The following RABGAP1L variants were observed in gnomAD, a reference collection of about 807,000 sequenced individuals.
RABGAP1L encodes rab GTPase-activating protein 1-like.
In RABGAP1L, 63 loss-of-function variants were observed where a neutral mutation model predicts 137.7. The ratio of observed to expected loss-of-function variants is 0.46; its 90% CI spans 0.37 to 0.56. The LOEUF is 0.56. RABGAP1L is among the 20% of genes least tolerant of loss of function. The pLI, the probability that RABGAP1L is intolerant of heterozygous loss-of-function variation, is 0.00. For synonymous variants in RABGAP1L, 431 were observed against 433.7 expected, an observed-to-expected ratio of 0.99 and a Z score of 0.08; for missense variants, 1,095 against 1,244.0, an observed-to-expected ratio of 0.88 and a Z score of 1.80.
rs113006522 is a variant in RABGAP1L at position 174,464,588 on chromosome 1, C to T, written c.1710+70443C>T. 1.2e-3 allele frequency among the ~76,000 whole-genome samples: 185 copies of T among 152,122 alleles called. 1 individual carries two copies. Among genetic ancestry groups the T allele is most frequent in the African/African-American group, 4.3e-3 (180 of 41,500 alleles). On this transcript the variant is annotated intron_variant, in intron 13 of 25. Transcript: ENST00000681986. ...TGTTGTTTTGTTAATGTCATTAGTA[C>T]CACTGCCTTCTTATATTTCCACTTT... is the stretch of plus-strand genomic sequence containing the variant.
chr1:174,506,049 T>G (rs1427189693), intron 13 of RABGAP1L, among the ~76,000 whole-genome samples: 1 of 152,158 alleles, frequency 6.6e-6, no homozygotes, highest in Admixed American at 6.5e-5. Context: ...GCACAGAAAG[T>G]CAAATACCAC....
chr1:174,449,048 A>G (rs1014236076), intron 13 of RABGAP1L: 1 of 1,613,856 alleles, frequency 6.2e-7, no homozygotes, highest in Non-Finnish European at 8.5e-7. Context: ...TAGTTTTTGT[A>G]ACTGTGTAAT....
At chr1:174,955,479 G>A (rs907174545) in intron 19 of RABGAP1L, among the ~76,000 whole-genome samples, 6 of 152,226 alleles carry the variant, frequency 3.9e-5, no homozygotes, top group Non-Finnish European at 8.8e-5. Flanking sequence ...CCAGATGCCA[G>A]AGAATTAGTA....
chr1:174,888,772 C>T (rs1172436902), intron 19 of RABGAP1L, among the ~76,000 whole-genome samples: 3 of 152,270 alleles, frequency 2.0e-5, no homozygotes, highest in East Asian at 3.9e-4. Context: ...GCTGGGATTA[C>T]AGACGTGAGC....
Position 174,767,591 on chromosome 1 carries a change from T to C in RABGAP1L, c.2211+15237T>C, listed in dbSNP as rs1439203703. On this transcript the variant is annotated intron_variant, in intron 18 of 25. Transcript: ENST00000681986. ...CAGGCTGTAGTGCAGTGGCGCAATC[T>C]CGGCTCACTGCAAGCTCCGCCTCCC... 4.0e-5 allele frequency among the ~76,000 whole-genome samples: 6 copies of C among 151,704 alleles called. No individual in the cohort carries two copies. The East Asian group carries it at 1.2e-3, about 29-fold the overall frequency.
chr1:174,866,799 G>C (rs1345035986), intron 19 of RABGAP1L, among the ~76,000 whole-genome samples: 1 of 151,972 alleles, frequency 6.6e-6, no homozygotes, highest in Non-Finnish European at 1.5e-5. Flanking sequence ...TGTAGTTCCA[G>C]CTACTTGGGA....
At chr1:174,672,992 C>A (rs182160619) in intron 14 of RABGAP1L, among the ~76,000 whole-genome samples, 1 of 152,020 alleles carries the variant, frequency 6.6e-6, no homozygotes, top group Non-Finnish European at 1.5e-5. Context: ...GGATAGGATT[C>A]GAACTTTTCC....
chr1:174,528,406 T>A (rs1305703442), intron 13 of RABGAP1L, among the ~76,000 whole-genome samples: 1 of 152,110 alleles, frequency 6.6e-6, no homozygotes, highest in African/African-American at 2.4e-5. Flanking sequence ...TGGTGATGAA[T>A]TCCCTCAGCT....
intron 19 of RABGAP1L, among the ~76,000 whole-genome samples, chr1:174,937,147 T>C (rs544697221): frequency 1.2e-3 from 181 of 151,660 alleles, no homozygotes; most frequent in African/African-American, 4.2e-3. Context: ...CCCGGGTAAT[T>C]TTTGTATTTT....
Position 174,702,223 on chromosome 1 carries a change from G to T in RABGAP1L, c.2136G>T (p.Met712Ile). ...TTACTGCCAAGTTCCCACTCTGCAT[G>T]GTGTTCCACATCATTGACTTACTGC... is the stretch of plus-strand genomic sequence containing the variant. ...TLFTAKFPLC[M>I]VFHIIDLLLC... Residue 712 changes from methionine to isoleucine, a missense_variant, in exon 17 of 26, where the codon ATG becomes ATT. This residue lies in a region of RABGAP1L where 312 missense variants were observed against 435.6 expected (regional missense o/e 0.72). Transcript: ENST00000681986. 1 of 1,611,580 alleles carries T rather than the reference G, an allele frequency of 6.2e-7. No homozygotes were observed. Among genetic ancestry groups the T allele is most frequent in the Non-Finnish European group, 8.5e-7 (1 of 1,178,748 alleles).
chr1:174,325,273 T>C (rs1273924891), intron 11 of RABGAP1L, among the ~76,000 whole-genome samples: 1 of 152,230 alleles, frequency 6.6e-6, no homozygotes, highest in Non-Finnish European at 1.5e-5. Context: ...TGGCAGTTTC[T>C]CAGACATCTT....
intron 11 of RABGAP1L, among the ~76,000 whole-genome samples, chr1:174,308,973 C>T (rs1197081844): frequency 6.6e-6 from 1 of 151,892 alleles, no homozygotes; most frequent in South Asian, 2.1e-4. Context: ...GTAGTATAGA[C>T]ATTTAAACAT....
At chr1:174,879,022 CT>C (rs1653685917) in intron 19 of RABGAP1L, among the ~76,000 whole-genome samples, 1 of 148,988 alleles carries the variant, frequency 6.7e-6, no homozygotes, top group Non-Finnish European at 1.5e-5. Flanking sequence ...CAACCTCCGC[CT>C]TCTCAGGTTC....
intron 19 of RABGAP1L, among the ~76,000 whole-genome samples, chr1:174,851,894 T>A (rs1032128029): frequency 1.3e-5 from 2 of 152,162 alleles, no homozygotes; most frequent in Admixed American, 6.5e-5. Context: ...TGGATTTAAA[T>A]GGTCATGAGA....
intron 7 of RABGAP1L, among the ~76,000 whole-genome samples, chr1:174,255,166 T>A (rs1673017449): frequency 6.6e-6 from 1 of 152,188 alleles, no homozygotes; most frequent in South Asian, 2.1e-4. Context: ...ATTATAGTTG[T>A]CACCTTTTTT....
intron 11 of RABGAP1L, among the ~76,000 whole-genome samples, chr1:174,332,790 G>T (rs1428525588): frequency 6.6e-6 from 1 of 151,734 alleles, no homozygotes; most frequent in Non-Finnish European, 1.5e-5. Flanking sequence ...AATTATAAAA[G>T]TTAAAAAAAA....
chr1:174,170,663 C>A (rs529902921), intron 1 of RABGAP1L, among the ~76,000 whole-genome samples: 83 of 127,054 alleles, frequency 6.5e-4, no homozygotes, highest in African/African-American at 2.7e-3. Context: ...CAGAGTGAGA[C>A]GCTGTTTCAA....
rs776390616 is a variant in RABGAP1L, at chr1:174,241,547, G to T, written c.607G>T (p.Ala203Ser). Residue 203 changes from alanine to serine, a missense_variant, in exon 5 of 26, where the codon GCA becomes TCA. By Grantham distance (99) the Ala-to-Ser change is moderately conservative. This residue lies in a region of RABGAP1L where 356 missense variants were observed against 326.3 expected (regional missense o/e 1.09). Coordinates refer to ENST00000681986, the MANE Select transcript of RABGAP1L (RefSeq NM_001366446.1). ...SFPIYKVLFC[A>S]RGHDGTTESN... ...TCCAATCTATAAGGTGTTATTCTGT[G>T]CACGTGGACATGACGGAACAACAGA... The T allele has an allele frequency of 8.7e-6, 14 of 1,612,978 alleles. No homozygotes were observed. The highest frequency in any genetic ancestry group is 1.2e-5 in the Non-Finnish European group (14 of 1,179,142).
intron 11 of RABGAP1L, among the ~76,000 whole-genome samples, 199 bp downstream of exon 11, chr1:174,305,326 A>C (rs1477880530): frequency 6.6e-6 from 1 of 152,160 alleles, no homozygotes; most frequent in African/African-American, 2.4e-5. Flanking sequence ...CCACTTTTGC[A>C]ACTATTTAAA....
Sources: allele counts gnomAD v4.1 joint callset (sites outside exome capture counted in the v4.1 genomes callset), GRCh38; gene constraint gnomAD v4.1.1; regional missense constraint gnomAD v4.1.1; transcripts MANE v1.5; gene names NCBI Gene and HGNC (gene_info 2026-07-23, HGNC 2026-07-21).